SLC71A2: variants seen among roughly 807,000 people sequenced by gnomAD.
The protein encoded by SLC71A2 is hippocampus abundant transcript-like 1.
At chr9:94,424,727 C>CTTTTTTTT in the SLC71A2 span, among the ~76,000 whole-genome samples, 337 of 91,826 alleles carry the variant, frequency 3.7e-3, no homozygotes, top group Non-Finnish European at 5.1e-3. Flanking sequence ...TTGTTTTCTG[C>CTTTTTTTT]TTTTTTTTTT....
At chr9:94,385,730 C>T in the SLC71A2 span, among the ~76,000 whole-genome samples, 2 of 152,212 alleles carry the variant, frequency 1.3e-5, no homozygotes, top group African/African-American at 4.8e-5. Flanking sequence ...AAGCAAGTCC[C>T]ACACTGTTTT....
At chr9:94,392,794 C>T in the SLC71A2 span, among the ~76,000 whole-genome samples, 9 of 152,204 alleles carry the variant, frequency 5.9e-5, no homozygotes, top group Admixed American at 2.6e-4. Flanking sequence ...CCACCACACC[C>T]GGCTTAAAAG....
At chr9:94,383,654 T>C in the SLC71A2 span, among the ~76,000 whole-genome samples, 1 of 152,238 alleles carries the variant, frequency 6.6e-6, no homozygotes, top group Non-Finnish European at 1.5e-5. Flanking sequence ...TTCTGGGTCT[T>C]TGCATTTTAG....
At chr9:94,378,301 G>C in the SLC71A2 span, among the ~76,000 whole-genome samples, 2 of 151,964 alleles carry the variant, frequency 1.3e-5, no homozygotes, top group East Asian at 3.9e-4. Context: ...CAGGACAGAA[G>C]GCGAAGGGGA....
the SLC71A2 span, among the ~76,000 whole-genome samples, chr9:94,447,331 T>C: frequency 0.71 from 108,055 of 151,584 alleles, 40,076 homozygotes; most frequent in African/African-American, 0.93. Context: ...AGGCGTGCAC[T>C]ACCATGCCCA....
the SLC71A2 span, among the ~76,000 whole-genome samples, chr9:94,401,065 C>T: frequency 1.3e-5 from 2 of 152,158 alleles, no homozygotes; most frequent in South Asian, 4.1e-4. Flanking sequence ...GACAGTGACA[C>T]ATAATGAACA....
At chr9:94,390,669 G>T in the SLC71A2 span, among the ~76,000 whole-genome samples, 7 of 152,204 alleles carry the variant, frequency 4.6e-5, no homozygotes, top group African/African-American at 1.7e-4. Context: ...TTTTTGTCTA[G>T]TGTAGACATG....
At chr9:94,374,513 G>A in the SLC71A2 span, 3 of 152,334 alleles carry the variant, frequency 2.0e-5, no homozygotes, top group Non-Finnish European at 4.4e-5. Context: ...GCCGGCCTGT[G>A]GGGAGGCGGG....
the SLC71A2 span, among the ~76,000 whole-genome samples, chr9:94,452,495 G>A: frequency 6.6e-6 from 1 of 151,890 alleles, no homozygotes; most frequent in Non-Finnish European, 1.5e-5. Context: ...TACTCAGGAG[G>A]CTGAGGCAGG....
chr9:94,409,872 CAT>C, the SLC71A2 span, among the ~76,000 whole-genome samples: 1 of 143,706 alleles, frequency 7.0e-6, no homozygotes, highest in African/African-American at 2.6e-5. Context: ...ACAGTCTTCT[CAT>C]GTGCACTTGA....
chr9:94,401,226 A>C, the SLC71A2 span, among the ~76,000 whole-genome samples: 1 of 152,120 alleles, frequency 6.6e-6, no homozygotes, highest in Non-Finnish European at 1.5e-5. Context: ...GCTGGAGTGC[A>C]GTGGCGCGAT....
the SLC71A2 span, among the ~76,000 whole-genome samples, chr9:94,405,498 C>CAA: frequency 0.014 from 830 of 59,660 alleles, 21 homozygotes; most frequent in African/African-American, 0.044. Flanking sequence ...GACTCCGTCT[C>CAA]AAAAAAAAAA....
chr9:94,440,303 A>ACCGCGCCCG, the SLC71A2 span, among the ~76,000 whole-genome samples: 5 of 151,908 alleles, frequency 3.3e-5, no homozygotes, highest in Admixed American at 3.3e-4. Flanking sequence ...ACAGGCGCCC[A>ACCGCGCCCG]CCACCACGCC....
At chr9:94,401,451 C>T in the SLC71A2 span, among the ~76,000 whole-genome samples, 4 of 152,188 alleles carry the variant, frequency 2.6e-5, no homozygotes, top group East Asian at 5.8e-4. Context: ...GGATTACAGG[C>T]GTGAGCCACT....
the SLC71A2 span, among the ~76,000 whole-genome samples, chr9:94,399,637 G>A: frequency 6.6e-6 from 1 of 152,114 alleles, no homozygotes; most frequent in African/African-American, 2.4e-5. Context: ...TAATTGGTCA[G>A]TCACAGCATA....
At chr9:94,449,906 C>T in the SLC71A2 span, among the ~76,000 whole-genome samples, 32 of 152,290 alleles carry the variant, frequency 2.1e-4, no homozygotes, top group African/African-American at 7.2e-4. Flanking sequence ...AGTACAGATA[C>T]GTGCTACAAC....
the SLC71A2 span, chr9:94,415,292 AAG>A: frequency 7.1e-7 from 1 of 1,414,250 alleles, no homozygotes; most frequent in East Asian, 2.3e-5. Context: ...TTGTAAGAGA[AAG>A]AGATAAGTTC....
At chr9:94,381,761 A>T in the SLC71A2 span, among the ~76,000 whole-genome samples, 1 of 152,220 alleles carries the variant, frequency 6.6e-6, no homozygotes, top group Non-Finnish European at 1.5e-5. Flanking sequence ...GCCTGAGCCC[A>T]GGGATTTGAG....
At chr9:94,387,392 ATCT>A in the SLC71A2 span, among the ~76,000 whole-genome samples, 4 of 152,052 alleles carry the variant, frequency 2.6e-5, no homozygotes, top group East Asian at 5.8e-4. Flanking sequence ...TTTAAATTTA[ATCT>A]TCTTAATTGA....
Sources: gnomAD v4.1 joint callset for allele counts (sites outside exome capture counted in the v4.1 genomes callset) on GRCh38, gnomAD v4.1.1 for gene constraint, MANE v1.5 for transcripts, NCBI Gene and HGNC (gene_info 2026-07-23, HGNC 2026-07-21) for gene names.